The following SH3BP1 variants were observed in gnomAD, a reference collection of about 807,000 sequenced individuals.
SH3BP1 encodes the protein SH3 domain binding protein 1, also known as SH3 domain-binding protein 1.
SH3BP1 carries 46 observed loss-of-function variants against 69.8 expected under a neutral mutation model. That is an observed-to-expected ratio of 0.66 (90% CI 0.52 to 0.84). The LOEUF (loss-of-function observed/expected upper bound fraction) is 0.84, where lower values mean the gene tolerates loss of function less well. Ranked by LOEUF, SH3BP1 falls within the 40% of genes least tolerant of loss-of-function variation. The pLI is 0.00. For synonymous variants in SH3BP1, 403 were observed against 378.0 expected, an observed-to-expected ratio of 1.07 and a Z score of -0.77; for missense variants, 868 against 930.9, an observed-to-expected ratio of 0.93 and a Z score of 0.88.
At chr22:37,651,559 G>A (rs1438225466) in intron 16 of SH3BP1, among the ~76,000 whole-genome samples, 1 of 151,940 alleles carries the variant, frequency 6.6e-6, no homozygotes, top group African/African-American at 2.4e-5. Flanking sequence ...TGAACTCCTG[G>A]CCTCAAGCGA....
intron 16 of SH3BP1, among the ~76,000 whole-genome samples, chr22:37,653,200 C>G (rs1932917700): frequency 6.6e-6 from 1 of 151,674 alleles, no homozygotes; most frequent in South Asian, 2.1e-4. Context: ...TTTGGGAGGC[C>G]GAGGTGGGCA....
At position 37,641,111 on chromosome 22, in the gene SH3BP1, C is replaced by CCCCAA; in HGVS notation, c.60-15_60-14insCCCAA. The CCCCAA allele has an allele frequency of 7.4e-7, 1 of 1,359,264 alleles. No individual in the cohort carries two copies. Among genetic ancestry groups the CCCCAA allele is most frequent in the Non-Finnish European group, 1.0e-6 (1 of 995,972 alleles). 84.2% of individuals were successfully genotyped at this position (1,359,264 alleles called of 1,614,324 possible). On this transcript the variant is annotated splice_polypyrimidine_tract_variant and intron_variant, in intron 1 of 17. Transcript: ENST00000649765. ...GCAGAAGCACTCTCCCCCCCCCCCC[C>CCCCAA]ACCACTCCCCGCAGCACCCCGGAGA...
chr22:37,647,402 G>T (rs937362853), intron 12 of SH3BP1, 39 bp from the exon 13 acceptor site: 1 of 1,612,108 alleles, frequency 6.2e-7, no homozygotes, highest in African/African-American at 1.3e-5. Flanking sequence ...CAAAGGTGTA[G>T]CCCTGCGCTG....
At chr22:37,647,806 G>A (rs930673818) in intron 13 of SH3BP1, among the ~76,000 whole-genome samples, 1 of 152,030 alleles carries the variant, frequency 6.6e-6, no homozygotes, top group Non-Finnish European at 1.5e-5. Flanking sequence ...CTCCCGAGTA[G>A]CTAGGACTAC....
intron 5 of SH3BP1, 33 bp from the exon 6 acceptor site, chr22:37,643,065 C>T (rs1267780531): frequency 6.2e-7 from 1 of 1,608,936 alleles, no homozygotes. Flanking sequence ...CCCTCCTCCC[C>T]CAGCACACTG....
At chr22:37,649,149 T>C (rs1932834432) in intron 14 of SH3BP1, among the ~76,000 whole-genome samples, 1 of 152,138 alleles carries the variant, frequency 6.6e-6, no homozygotes, top group African/African-American at 2.4e-5. Flanking sequence ...TGAGGGCTTT[T>C]GCTTTGGGGA....
Position 37,641,445 on chromosome 22 carries a change from G to A in SH3BP1, c.174G>A (p.Gln58=), listed in dbSNP as rs368101490. Reference sequence around the variant, plus strand: ...ACAAGCGGCTGCAGGCCTGTCTGCAGGGCCAGAGCGGGGCAGACATGGACA... The same window carrying A: ...ACAAGCGGCTGCAGGCCTGTCTGCAAGGCCAGAGCGGGGCAGACATGGACA... ...NIHKRLQACL[Q]GQSGADMDKR... is the part of the protein sequence containing the mutation. The change falls in exon 3 of 18, where the codon CAG becomes CAA. Residue 58 remains glutamine (Q), a synonymous_variant. Transcript: ENST00000649765. The A allele has an allele frequency of 4.3e-4, 663 of 1,551,064 alleles. No individual in the cohort carries two copies. The highest frequency in any genetic ancestry group is 5.2e-4 in the Non-Finnish European group (597 of 1,147,156).
In SH3BP1 at chr22:37,645,483, G is replaced by A. The variant is rs1314667640; in HGVS notation, c.897G>A (p.Met299Ile). ...IALPIEACVM[M>I]LLSEGMKEEG... Reference sequence around the variant, plus strand: ...TGCCCATCGAGGCCTGCGTCATGATGCTGCTTTCTGAGGGCATGAAGGAAG... The same window carrying A: ...TGCCCATCGAGGCCTGCGTCATGATACTGCTTTCTGAGGGCATGAAGGAAG... Residue 299 changes from methionine to isoleucine, a missense_variant, in exon 10 of 18, where the codon ATG becomes ATA. Transcript: ENST00000649765. The A allele has an allele frequency of 6.2e-7, 1 of 1,613,410 alleles. No homozygotes were observed. Among genetic ancestry groups the A allele is most frequent in the East Asian group, 2.2e-5 (1 of 44,876 alleles).
chr22:37,650,858 TCCTAGTTTG>T, intron 16 of SH3BP1, 133 bp downstream of exon 16: 1 of 1,240,290 alleles, frequency 8.1e-7, no homozygotes, highest in Non-Finnish European at 1.1e-6. Context: ...AGACCGGATC[TCCTAGTTTG>T]GAGAGGGTGG....
intron 10 of SH3BP1, among the ~76,000 whole-genome samples, chr22:37,645,960 CTTTT>C (rs11329854): frequency 7.9e-6 from 1 of 126,274 alleles, no homozygotes; most frequent in Non-Finnish European, 1.6e-5. Context: ...CTCCCTTACA[CTTTT>C]TTTTTTTTTT....
chr22:37,640,660 G>T (rs1034932766), intron 1 of SH3BP1: 3 of 175,670 alleles, frequency 1.7e-5, no homozygotes, highest in African/African-American at 4.8e-5. Flanking sequence ...GTCCCCAGGT[G>T]GGGGCCAAGG....
In SH3BP1 at chr22:37,644,853, T is replaced by C; in HGVS notation, c.688-17T>C. Reference sequence around the variant, plus strand: ...GCTTCCCCCACTTCCGCTCAGGGTGTCCCTTCATCCCCACAGCTCCTGGAG... The same window carrying C: ...GCTTCCCCCACTTCCGCTCAGGGTGCCCCTTCATCCCCACAGCTCCTGGAG... On this transcript the variant is annotated splice_polypyrimidine_tract_variant and intron_variant, in intron 8 of 17. Coordinates refer to ENST00000649765, the MANE Select transcript of SH3BP1 (RefSeq NM_018957.6). 1 of 1,613,598 alleles carries C rather than the reference T, an allele frequency of 6.2e-7. No homozygotes were observed.
chr22:37,650,449 G>T (rs1205961028), intron 15 of SH3BP1, 93 bp from the exon 16 acceptor site: 1 of 1,527,424 alleles, frequency 6.5e-7, no homozygotes, highest in East Asian at 2.3e-5. Flanking sequence ...ACATGGTCCA[G>T]ATGGGTTCAG....
intron 2 of SH3BP1, 45 bp from the exon 3 acceptor site, chr22:37,641,329 G>A: frequency 6.5e-7 from 1 of 1,542,020 alleles, no homozygotes; most frequent in Non-Finnish European, 8.8e-7. Context: ...CTGCTCAGGG[G>A]GAGACAGCCT....
At position 37,650,644 on chromosome 22, in the gene SH3BP1, C is replaced by T; in HGVS notation, c.1517C>T (p.Thr506Ile). The change falls in exon 16 of 18, where the codon ACC becomes ATC. Residue 506 changes from threonine to isoleucine, a missense_variant. Thr to Ile is a moderately conservative substitution (Grantham distance 89). Coordinates refer to ENST00000649765, the MANE Select transcript of SH3BP1 (RefSeq NM_018957.6). ...SEELPSTAVP[T>I]PATTPAPAPA... ...GAACTTCCGTCCACTGCCGTGCCCA[C>T]CCCAGCCACCACCCCGGCTCCGGCT... The T allele has an allele frequency of 1.2e-6, 2 of 1,614,042 alleles. No homozygotes were observed. The highest frequency in any genetic ancestry group is 1.7e-6 in the Non-Finnish European group (2 of 1,180,014).
In SH3BP1 at chr22:37,655,685, G is replaced by A. The variant is rs1933017082; in HGVS notation, c.*1G>A. ...GAGCCTTGCCTCAGAGACCAACTGA[G>A]TGGCTGGTTTCTCCCTAAGCAGCCC... On this transcript the variant is annotated 3_prime_UTR_variant, in exon 18 of 18. Coordinates refer to ENST00000649765, the MANE Select transcript of SH3BP1 (RefSeq NM_018957.6). 2.0e-6 allele frequency: 3 copies of A among 1,491,298 alleles called. No homozygotes were observed. Among genetic ancestry groups the A allele is most frequent in the African/African-American group, 2.9e-5 (2 of 69,614 alleles). The allele number at this position is 1,491,298 out of a possible 1,614,324, so 92.4% of individuals were successfully genotyped here. A position where few individuals can be genotyped will look rare whatever the true frequency, so the allele number is the denominator to read the frequency against.
intron 6 of SH3BP1, 145 bp downstream of exon 6, chr22:37,643,319 G>C: frequency 2.7e-6 from 2 of 749,528 alleles, no homozygotes; most frequent in Non-Finnish European, 4.5e-6. Flanking sequence ...TGGTCCCTAG[G>C]AGCACAGGTG....
Position 37,648,445 on chromosome 22 carries a change from C to T in SH3BP1, c.1316+10C>T, listed in dbSNP as rs746091953. Reference sequence around the variant, plus strand: ...CACCTGAGAAAGAAGGGTGAGGGGCCGCGGGCTGGGGGAGGTGGCAGGAGG... The same window carrying T: ...CACCTGAGAAAGAAGGGTGAGGGGCTGCGGGCTGGGGGAGGTGGCAGGAGG... On this transcript the variant is annotated intron_variant, in intron 14 of 17. Transcript: ENST00000649765. 15 of 1,535,506 alleles carry T rather than the reference C, an allele frequency of 9.8e-6. No individual in the cohort carries two copies. The East Asian group carries it at 1.2e-4, about 12-fold the overall frequency.
At chr22:37,641,328 G>C (rs906126087) in intron 2 of SH3BP1, 46 bp from the exon 3 acceptor site, 7 of 1,542,280 alleles carry the variant, frequency 4.5e-6, no homozygotes, top group Non-Finnish European at 6.1e-6. Context: ...CCTGCTCAGG[G>C]GGAGACAGCC....
Sources: gnomAD v4.1 joint callset for allele counts (sites outside exome capture counted in the v4.1 genomes callset) on GRCh38, gnomAD v4.1.1 for gene constraint, MANE v1.5 for transcripts, NCBI Gene and HGNC (gene_info 2026-07-23, HGNC 2026-07-21) for gene names.